SNPH: variants seen among roughly 807,000 people sequenced by gnomAD.
The protein encoded by SNPH is syntaphilin.
SNPH carries 10 observed loss-of-function variants against 36.8 expected under a neutral mutation model. The ratio of observed to expected loss-of-function variants is 0.27; its 90% confidence interval spans 0.17 to 0.46. The LOEUF is 0.46. SNPH is among the 20% of genes least tolerant of loss of function. SNPH has a pLI of 1.00. For missense variants in SNPH, 622 were observed against 744.0 expected (o/e 0.84, Z 1.91); for synonymous variants, 281 against 312.2 (o/e 0.90, Z 1.05).
chr20:1,305,430 C>G lies in SNPH; in HGVS notation c.993C>G (p.Phe331Leu), dbSNP rs761763707. The G allele has an allele frequency of 3.1e-6, 5 of 1,613,222 alleles. No homozygotes were observed. Among genetic ancestry groups the G allele is most frequent in the Non-Finnish European group, 4.2e-6 (5 of 1,180,044 alleles). The change falls in exon 7 of 7, where the codon TTC becomes TTG. Residue 331 changes from phenylalanine (F) to leucine (L), a missense_variant. This residue lies in a region of SNPH where 379 missense variants were observed against 427.9 expected (regional missense o/e 0.89). Transcript: ENST00000381867. ...LHSSFGLGPR[F>L]PASNTYEKLL... ...GCTCCTTCGGCCTGGGCCCCCGCTT[C>G]CCTGCCAGCAACACCTATGAGAAGC... is the stretch of plus-strand genomic sequence containing the variant.
chr20:1,278,000 C>CTG (rs563194020), intron 2 of SNPH, among the ~76,000 whole-genome samples: 4 of 134,508 alleles, frequency 3.0e-5, no homozygotes, highest in African/African-American at 1.1e-4. Context: ...GTCTGTGTGT[C>CTG]TGTGTGTGTG....
chr20:1,305,847 C>A lies in SNPH; in HGVS notation c.1410C>A (p.Ile470=). 1 of 1,593,698 alleles carries A rather than the reference C, an allele frequency of 6.3e-7. No individual in the cohort carries two copies. Among genetic ancestry groups the A allele is most frequent in the South Asian group, 1.1e-5 (1 of 88,248 alleles). Residue 470 remains isoleucine (I), a synonymous_variant, in exon 7 of 7, where the codon ATC becomes ATA. Coordinates refer to ENST00000381867, the MANE Select transcript of SNPH (RefSeq NM_001318234.2). ...EPKSYWSRHY[I]VDLLAVVVPA... is the part of the protein sequence containing the mutation. ...AGAGCTACTGGAGCCGCCACTACAT[C>A]GTGGATCTGCTGGCTGTGGTGGTGC... is the stretch of plus-strand genomic sequence containing the variant.
rs775448330 is a variant in SNPH at position 1,305,524 on chromosome 20, G to A, written c.1087G>A (p.Val363Met). ...MQERAIQTDFVQYQPDLDTIL... is the reference protein window; with the variant it reads ...MQERAIQTDFMQYQPDLDTIL... ...GGAGCGTGCCATCCAGACAGACTTC[G>A]TGCAGTACCAGCCTGACCTTGACAC... The change falls in exon 7 of 7, where the codon GTG (valine) becomes ATG (methionine). Residue 363 changes from valine to methionine, a missense_variant. Val to Met is a conservative substitution (Grantham distance 21). Coordinates refer to ENST00000381867, the MANE Select transcript of SNPH (RefSeq NM_001318234.2). 18 of 1,613,158 alleles carry A rather than the reference G, an allele frequency of 1.1e-5. No homozygotes were observed. Among genetic ancestry groups the A allele is most frequent in the African/African-American group, 2.7e-5 (2 of 74,944 alleles).
At position 1,304,789 on chromosome 20, in the gene SNPH, T is replaced by C; in HGVS notation, c.441-89T>C. The C allele has an allele frequency of 7.7e-7, 1 of 1,290,632 alleles. No homozygotes were observed. The highest frequency in any genetic ancestry group is 1.1e-6 in the Non-Finnish European group (1 of 913,298). 79.9% of individuals were successfully genotyped at this position (1,290,632 alleles called of 1,614,324 possible). The stretch of plus-strand genomic sequence containing the variant: ...ACAGCAGCACAGGGCCCTTCATCCT[T>C]GGCAACAGTGTCCTCTCCCTGCCTC... On this transcript the variant is annotated intron_variant, in intron 6 of 6. Transcript: ENST00000381867. This position sits in a 1 kb window ranked among gnomAD's most constrained non-coding sequence, Gnocchi z 4.3.
chr20:1,301,599 T>TAGATGATGACTAAAC (rs2088511960), intron 6 of SNPH, among the ~76,000 whole-genome samples: 1 of 152,184 alleles, frequency 6.6e-6, no homozygotes, highest in Non-Finnish European at 1.5e-5. Context: ...ATTGTTAGTT[T>TAGATGATGACTAAAC]AGTCACAGAA....
chr20:1,272,858 G>C (rs1448054132), intron 2 of SNPH, among the ~76,000 whole-genome samples: 1 of 152,246 alleles, frequency 6.6e-6, no homozygotes, highest in Non-Finnish European at 1.5e-5. Context: ...TGGCAGCACT[G>C]TCAGGATTGA....
In SNPH at chr20:1,276,168, C is replaced by G. The variant is rs2088129200; in HGVS notation, c.-493+9408C>G. Among the ~76,000 whole-genome samples, 1 of 152,182 alleles carries G rather than the reference C, an allele frequency of 6.6e-6. No individual in the cohort carries two copies. The highest frequency in any genetic ancestry group is 1.5e-5 in the Non-Finnish European group (1 of 68,022). ...CAGGGCCCAGATTGGAGCTGTAGAC[C>G]ATTTGAGCCAACTGTCTGTGGCTTC... On this transcript the variant is annotated intron_variant, in intron 2 of 6. Transcript: ENST00000381867. The surrounding 1 kb of genome is among the most constrained non-coding windows in gnomAD (Gnocchi z 4.6).
rs1216852471 is a variant in SNPH, at chr20:1,306,854, G to C, written c.*800G>C. Reference sequence around the variant, plus strand: ...TGCTGGGGTAGGAGGGCCTGCCTGAGTCCCAGCTCCCAGCTGGAGAATCCA... The same window carrying C: ...TGCTGGGGTAGGAGGGCCTGCCTGACTCCCAGCTCCCAGCTGGAGAATCCA... On this transcript the variant is annotated 3_prime_UTR_variant, in exon 7 of 7. Transcript: ENST00000381867. 6.6e-6 allele frequency: 1 copy of C among 152,326 alleles called. No homozygotes were observed. Among genetic ancestry groups the C allele is most frequent in the East Asian group, 1.9e-4 (1 of 5,196 alleles). 9.4% of individuals were successfully genotyped at this position (152,326 alleles called of 1,614,324 possible).
Position 1,276,193 on chromosome 20 carries a change from C to T in SNPH, c.-493+9433C>T, listed in dbSNP as rs557262780. 1.3e-3 allele frequency among the ~76,000 whole-genome samples: 201 copies of T among 152,284 alleles called. 1 individual carries two copies. Among genetic ancestry groups the T allele is most frequent in the African/African-American group, 4.6e-3 (193 of 41,576 alleles). On this transcript the variant is annotated intron_variant, in intron 2 of 6. Transcript: ENST00000381867. The surrounding 1 kb of genome is among the most constrained non-coding windows in gnomAD (Gnocchi z 4.6). ...CATTTGAGCCAACTGTCTGTGGCTT[C>T]CTTCTGGAGAGCCCCTTCCCCCTCC...
intron 2 of SNPH, among the ~76,000 whole-genome samples, chr20:1,282,199 C>T (rs572437561): frequency 3.3e-5 from 5 of 152,244 alleles, no homozygotes; most frequent in Admixed American, 1.3e-4. Flanking sequence ...TCATACTTTT[C>T]GACCCTATAA....
intron 2 of SNPH, among the ~76,000 whole-genome samples, chr20:1,279,603 G>A (rs913913366): frequency 4.0e-5 from 6 of 149,116 alleles, no homozygotes; most frequent in African/African-American, 1.5e-4. Context: ...CTGGTTTCCT[G>A]AGAGACTCCG....
At chr20:1,283,413 C>T (rs1354727240) in intron 2 of SNPH, among the ~76,000 whole-genome samples, 4 of 152,158 alleles carry the variant, frequency 2.6e-5, no homozygotes, top group African/African-American at 4.8e-5. Flanking sequence ...GCTCCAATGC[C>T]GTGCCACTAA....
At position 1,304,823 on chromosome 20, in the gene SNPH, G is replaced by A. The variant is rs889883533; in HGVS notation, c.441-55G>A. The stretch of plus-strand genomic sequence containing the variant: ...TGTCCTCTCCCTGCCTCTCCTTGGC[G>A]GTGACAGACCAGGCAGGCAGGCAGT... On this transcript the variant is annotated intron_variant, in intron 6 of 6. Coordinates refer to ENST00000381867, the MANE Select transcript of SNPH (RefSeq NM_001318234.2). This position sits in a 1 kb window ranked among gnomAD's most constrained non-coding sequence, Gnocchi z 4.3. 147 of 1,543,482 alleles carry A rather than the reference G, an allele frequency of 9.5e-5. 1 individual carries two copies. Among genetic ancestry groups the A allele is most frequent in the South Asian group, 6.0e-5 (5 of 83,942 alleles).
intron 5 of SNPH, among the ~76,000 whole-genome samples, chr20:1,298,854 T>G (rs1176916656): frequency 6.9e-6 from 1 of 144,384 alleles, no homozygotes; most frequent in Non-Finnish European, 1.5e-5. Flanking sequence ...GTATACATAT[T>G]TTTTTTTTTA....
In SNPH at chr20:1,276,814, G is replaced by A. The variant is rs752508245; in HGVS notation, c.-493+10054G>A. 7.9e-5 allele frequency among the ~76,000 whole-genome samples: 12 copies of A among 152,278 alleles called. No homozygotes were observed. Among genetic ancestry groups the A allele is most frequent in the East Asian group, 1.9e-4 (1 of 5,170 alleles). ...GACTGCAGAACAGGAATGTTATTCC[G>A]AGAAACAGAACTTCAGTCAGATGGA... On this transcript the variant is annotated intron_variant, in intron 2 of 6. Coordinates refer to ENST00000381867, the MANE Select transcript of SNPH (RefSeq NM_001318234.2). This position sits in a 1 kb window ranked among gnomAD's most constrained non-coding sequence, Gnocchi z 4.6.
At chr20:1,273,814 CG>C (rs2088099640) in intron 2 of SNPH, among the ~76,000 whole-genome samples, 1 of 152,066 alleles carries the variant, frequency 6.6e-6, no homozygotes, top group Non-Finnish European at 1.5e-5. Context: ...TCAACCAATC[CG>C]GGCCCACTTA....
chr20:1,290,526 A>G (rs1302238589), intron 2 of SNPH, among the ~76,000 whole-genome samples: 4 of 152,210 alleles, frequency 2.6e-5, no homozygotes, highest in African/African-American at 4.8e-5. Context: ...GTAATACTTC[A>G]TTCCTTTTAT....
chr20:1,271,083 C>G (rs2088067082), intron 2 of SNPH, among the ~76,000 whole-genome samples: 1 of 152,222 alleles, frequency 6.6e-6, no homozygotes, highest in Non-Finnish European at 1.5e-5. Context: ...TTGTCGCATA[C>G]TCAGCACTGT....
intron 2 of SNPH, among the ~76,000 whole-genome samples, chr20:1,272,163 A>T (rs950413781): frequency 6.6e-6 from 1 of 152,080 alleles, no homozygotes; most frequent in Admixed American, 6.5e-5. Flanking sequence ...TATTTTCCTC[A>T]TTTTTGCCAC....
Sources: gnomAD v4.1 joint callset for allele counts (sites outside exome capture counted in the v4.1 genomes callset) on GRCh38, gnomAD v4.1.1 for gene constraint, gnomAD v4.1.1 regional missense constraint, Gnocchi (gnomAD v3.1) non-coding constraint, MANE v1.5 for transcripts, NCBI Gene and HGNC (gene_info 2026-07-23, HGNC 2026-07-21) for gene names.